The following CALCR variants were observed in gnomAD, a reference collection of about 807,000 sequenced individuals.
CALCR encodes calcitonin receptor.
A neutral mutation model predicts 59.5 loss-of-function variants in CALCR; 47 were observed. The ratio of observed to expected loss-of-function variants is 0.79; its 90% CI spans 0.63 to 1.01. The LOEUF (loss-of-function observed/expected upper bound fraction) is 1.01, where lower values mean the gene tolerates loss of function less well. CALCR is among the 50% of genes least tolerant of loss of function. The pLI is 0.00. For missense variants in CALCR, 566 were observed against 597.1 expected, an observed-to-expected ratio of 0.95 and a Z score of 0.54; for synonymous variants, 213 against 211.3, an observed-to-expected ratio of 1.01 and a Z score of -0.07.
chr7:93,568,834 T>C (rs748660821), intron 2 of CALCR, among the ~76,000 whole-genome samples: 1 of 152,114 alleles, frequency 6.6e-6, no homozygotes, highest in Non-Finnish European at 1.5e-5. Context: ...CTAATTTCTA[T>C]ATGCACTTCT....
At chr7:93,483,429 ATAG>A (rs1800847379) in intron 3 of CALCR, among the ~76,000 whole-genome samples, 1 of 135,410 alleles carries the variant, frequency 7.4e-6, no homozygotes, top group Non-Finnish European at 1.5e-5. Context: ...AGATAGATAG[ATAG>A]ATAGATAGAT....
intron 2 of CALCR, among the ~76,000 whole-genome samples, chr7:93,525,508 T>C (rs987051950): frequency 2.0e-5 from 3 of 152,190 alleles, no homozygotes; most frequent in African/African-American, 7.2e-5. Flanking sequence ...GAGCAGGTCA[T>C]GGTGTGTATG....
intron 2 of CALCR, among the ~76,000 whole-genome samples, chr7:93,538,138 C>A (rs1330913497): frequency 6.6e-6 from 1 of 151,924 alleles, no homozygotes; most frequent in Non-Finnish European, 1.5e-5. Flanking sequence ...GCTACACACT[C>A]AAAATACCTT....
intron 2 of CALCR, among the ~76,000 whole-genome samples, chr7:93,515,952 C>A (rs1254400831): frequency 6.6e-6 from 1 of 151,092 alleles, no homozygotes; most frequent in Admixed American, 6.6e-5. Flanking sequence ...AGAATTCTTT[C>A]AATAATCATA....
intron 9 of CALCR, among the ~76,000 whole-genome samples, chr7:93,440,648 T>C (rs17165445): frequency 0.016 from 2,508 of 152,154 alleles, 72 homozygotes; most frequent in African/African-American, 0.055. Context: ...CAAAAGTCCA[T>C]CTACGGAAGT....
chr7:93,458,724 T>G (rs2115795054), intron 8 of CALCR, among the ~76,000 whole-genome samples: 1 of 152,148 alleles, frequency 6.6e-6, no homozygotes, highest in East Asian at 1.9e-4. Flanking sequence ...CACCTCTCTG[T>G]CTTCGGGTTC....
chr7:93,426,726 T>A, intron 13 of CALCR, 137 bp from the exon 14 acceptor site: 1 of 540,506 alleles, frequency 1.9e-6, no homozygotes, highest in East Asian at 3.0e-5. Context: ...CTGGGCTGTG[T>A]ATGCTGTGGC....
rs1488016034 is a variant in CALCR at position 93,486,918 on chromosome 7, T to C, written c.51+13A>G. ...TTCATTAGCATGGCTTTGAATACTT[T>C]TGTTTTACTTACATTTAGAAGAAGA... On this transcript the variant is annotated intron_variant, in intron 3 of 13. Coordinates refer to ENST00000426151, the MANE Select transcript of CALCR (RefSeq NM_001742.4). 1 of 1,484,320 alleles carries C rather than the reference T, an allele frequency of 6.7e-7. No homozygotes were observed. The highest frequency in any genetic ancestry group is 1.2e-5 in the South Asian group (1 of 86,056). The allele number at this position is 1,484,320 out of a possible 1,614,324, so 91.9% of individuals were successfully genotyped here.
At chr7:93,482,932 A>G (rs1425210269) in intron 3 of CALCR, 1 of 511,212 alleles carries the variant, frequency 2.0e-6, no homozygotes, top group Admixed American at 2.1e-5. Flanking sequence ...TGAGCACTGA[A>G]GATGGAATTT....
chr7:93,471,354 T>C (rs1315366321), intron 6 of CALCR, among the ~76,000 whole-genome samples: 1 of 151,842 alleles, frequency 6.6e-6, no homozygotes, highest in Admixed American at 6.6e-5. Context: ...TCAGGGTGAC[T>C]AAACCATTTG....
chr7:93,470,727 ATTTTATTT>A (rs1172746630), intron 6 of CALCR, among the ~76,000 whole-genome samples: 1 of 151,026 alleles, frequency 6.6e-6, no homozygotes, highest in Non-Finnish European at 1.5e-5. Context: ...TGTGGAAAGC[ATTTTATTT>A]TTTTATTTTT....
Position 93,477,556 on chromosome 7 carries a change from A to C in CALCR, c.316+2T>G. 1 of 1,584,090 alleles carries C rather than the reference A, an allele frequency of 6.3e-7. No individual in the cohort carries two copies. The highest frequency in any genetic ancestry group is 8.7e-7 in the Non-Finnish European group (1 of 1,154,092). Reference sequence around the variant, plus strand: ...AACATAAAATGAAAATAAACACTCTACCTGATGGATCAAAATCCGGAAAAT... The same window carrying C: ...AACATAAAATGAAAATAAACACTCTCCCTGATGGATCAAAATCCGGAAAAT... On this transcript the variant is annotated splice_donor_variant, in intron 5 of 13. Coordinates refer to ENST00000426151, the MANE Select transcript of CALCR (RefSeq NM_001742.4). LOFTEE classifies it high-confidence loss of function.
intron 6 of CALCR, among the ~76,000 whole-genome samples, chr7:93,469,449 G>A (rs10282132): frequency 0.062 from 9,345 of 151,266 alleles, 906 homozygotes; most frequent in African/African-American, 0.21. Context: ...AGTAATCACA[G>A]TCTTTCCTTT....
chr7:93,507,872 G>A (rs894768289), intron 2 of CALCR, among the ~76,000 whole-genome samples: 5 of 151,132 alleles, frequency 3.3e-5, no homozygotes, highest in South Asian at 4.2e-4. Context: ...GCGGTGAGCC[G>A]AGATGGCACC....
At chr7:93,464,412 T>C (rs1385768084) in intron 7 of CALCR, among the ~76,000 whole-genome samples, 3 of 152,002 alleles carry the variant, frequency 2.0e-5, no homozygotes, top group African/African-American at 4.8e-5. Context: ...TTTCTGTAAT[T>C]GGTACAAGCC....
chr7:93,503,746 A>G (rs1378810913), intron 2 of CALCR, among the ~76,000 whole-genome samples: 2 of 152,122 alleles, frequency 1.3e-5, no homozygotes, highest in African/African-American at 4.8e-5. Flanking sequence ...TCTCACCTTA[A>G]TTGCTTGGGT....
chr7:93,459,805 T>A (rs1372383664), intron 8 of CALCR, among the ~76,000 whole-genome samples: 2 of 152,124 alleles, frequency 1.3e-5, no homozygotes, highest in Non-Finnish European at 2.9e-5. Flanking sequence ...ACAATTCTGG[T>A]AGGAAAAATC....
chr7:93,426,523 GCCTCCC>G lies in CALCR; in HGVS notation c.1252_1257del (p.Gly418_Arg419del), dbSNP rs749162373. On this transcript the variant is annotated inframe_deletion, in exon 14 of 14. Coordinates refer to ENST00000426151, the MANE Select transcript of CALCR (RefSeq NM_001742.4). ...GCGCGAGCAGAGCGGTTGGAGGGGC[GCCTCCC>G]CCAACGCTGGTTCCACTGAATTTTG... 29 of 1,613,166 alleles carry G rather than the reference GCCTCCC, an allele frequency of 1.8e-5. No individual in the cohort carries two copies. The highest frequency in any genetic ancestry group is 2.2e-5 in the Non-Finnish European group (26 of 1,179,324).
At chr7:93,507,931 A>G (rs1258015574) in intron 2 of CALCR, among the ~76,000 whole-genome samples, 1 of 151,668 alleles carries the variant, frequency 6.6e-6, no homozygotes, top group Non-Finnish European at 1.5e-5. Flanking sequence ...TCAAAAAAAA[A>G]GAAAAAAAAA....
Sources: gnomAD v4.1 joint callset for allele counts (sites outside exome capture counted in the v4.1 genomes callset) on GRCh38, gnomAD v4.1.1 for gene constraint, MANE v1.5 for transcripts, NCBI Gene and HGNC (gene_info 2026-07-23, HGNC 2026-07-21) for gene names.